Variants in HAUS7 observed in about 807,000 individuals in gnomAD.
HAUS7 encodes HAUS augmin like complex subunit 7, also known as HAUS augmin-like complex subunit 7.
HAUS7 carries 3 observed loss-of-function variants against 28.4 expected under a neutral mutation model. That is an observed-to-expected ratio of 0.11 (90% confidence interval 0.05 to 0.27). HAUS7 has a LOEUF of 0.27. Among genes scored for constraint, HAUS7 ranks in the 10% least tolerant of loss-of-function variants. The probability of loss-of-function intolerance (pLI) is 1.00; values close to 1 mark genes in which losing one functional copy is unlikely to be tolerated. For missense variants in HAUS7, 284 were observed against 297.3 expected, an observed-to-expected ratio of 0.96 and a Z score of 0.33; for synonymous variants, 165 against 132.1, an observed-to-expected ratio of 1.25 and a Z score of -1.71.
At chrX:153,483,467 C>T (rs998186545) in intron 1 of HAUS7, 55 of 754,317 alleles carry the variant, frequency 7.3e-5, no homozygotes, top group East Asian at 3.0e-4. Context: ...CCCAGAGCTT[C>T]GCCCCAATGG....
chrX:153,448,564 T>C (rs1358305695), intron 9 of HAUS7, among the ~76,000 whole-genome samples: 1 of 109,346 alleles, frequency 9.1e-6, no homozygotes, highest in African/African-American at 3.3e-5. Context: ...ATATATAAAA[T>C]AAATAAATAA....
At chrX:153,474,008 G>A (rs1249392108), upstream of HAUS7, among the ~76,000 whole-genome samples, 1 of 112,386 alleles carries the variant, frequency 8.9e-6, no homozygotes, top group Non-Finnish European at 1.9e-5. Flanking sequence ...ATGGGGGAAG[G>A]GATGGAGAAC....
rs2089315282 is a variant in HAUS7, at chrX:153,456,619, T to C, written c.479A>G (p.Lys160Arg). Residue 160 changes from lysine (K) to arginine (R), a missense_variant, in exon 6 of 10, where the codon AAG becomes AGG. Coordinates refer to ENST00000370211, the MANE Select transcript of HAUS7 (RefSeq NM_001385482.1). ...LMEHFEDTRE[K>R]NEALLGELFS... ...GAGCTCCCCCAGCAAGGCCTCGTTC[T>C]TCTCCCTGGTGTCCTCGAAGTGCTC... 3 of 1,181,343 alleles carry C rather than the reference T, an allele frequency of 2.5e-6. No homozygotes were observed. The highest frequency in any genetic ancestry group is 2.3e-5 in the Admixed American group (1 of 42,649).
chrX:153,461,621 C>G (rs781944438), intron 4 of HAUS7: 4 of 124,446 alleles, frequency 3.2e-5, no homozygotes, highest in Non-Finnish European at 6.4e-5. Context: ...AAATGGCCAA[C>G]AAGCTCACAA....
chrX:153,484,381 T>C (rs2089621892), intron 1 of HAUS7, among the ~76,000 whole-genome samples: 1 of 112,511 alleles, frequency 8.9e-6, no homozygotes. Context: ...GGCAATTCCC[T>C]GGATCTGGTT....
At chrX:153,473,135 G>C (rs1196085302), upstream of HAUS7, among the ~76,000 whole-genome samples, 5 of 109,999 alleles carry the variant, frequency 4.5e-5, no homozygotes, top group Non-Finnish European at 9.7e-5. Context: ...CAGCCTCCCT[G>C]ACCTGTGGAG....
chrX:153,486,791 G>T (rs1036231862), intron 1 of HAUS7: 14 of 982,564 alleles, frequency 1.4e-5, no homozygotes, highest in African/African-American at 2.0e-5. Flanking sequence ...CCCCAGCGGC[G>T]GGGGGAGGAG....
At chrX:153,481,925 G>A (rs1339935394) in intron 1 of HAUS7, 1 of 745,378 alleles carries the variant, frequency 1.3e-6, no homozygotes, top group Non-Finnish European at 1.6e-6. Context: ...ATGCCTTCAA[G>A]GTATGCTGTG....
At chrX:153,484,536 TGAG>T (rs2089623041) in intron 1 of HAUS7, among the ~76,000 whole-genome samples, 1 of 99,918 alleles carries the variant, frequency 1.0e-5, no homozygotes, top group Non-Finnish European at 2.0e-5. Context: ...GGCGGGAGGC[TGAG>T]GAGGGCCTGA....
intron 1 of HAUS7, among the ~76,000 whole-genome samples, chrX:153,476,427 A>G (rs982069045): frequency 1.8e-5 from 2 of 111,915 alleles, no homozygotes; most frequent in African/African-American, 3.3e-5. Context: ...CCAGGCTACC[A>G]ATCTGAGTCC....
chrX:153,452,675 A>G (rs139735840), intron 9 of HAUS7, among the ~76,000 whole-genome samples: 4,352 of 112,164 alleles, frequency 0.039, 193 homozygotes, highest in African/African-American at 0.13. Context: ...CACTTAAAAA[A>G]TAACTTTAAA....
intron 2 of HAUS7, 71 bp from the exon 3 acceptor site, chrX:153,465,126 T>G: frequency 5.9e-6 from 4 of 675,130 alleles, no homozygotes; most frequent in Non-Finnish European, 7.2e-6. Context: ...CTATACGCGC[T>G]GGAAGAAGTG....
chrX:153,461,753 C>T (rs2089394134), intron 4 of HAUS7: 2 of 234,504 alleles, frequency 8.5e-6, no homozygotes, highest in African/African-American at 5.7e-5. Flanking sequence ...CCAGCGAGGA[C>T]GAGGAGAAAC....
At position 153,480,469 on chromosome X, in the gene HAUS7, C is replaced by A. The variant is rs782065825; in HGVS notation, c.-588-9324G>T. On this transcript the variant is annotated intron_variant, in intron 1 of 5. Coordinates refer to the HAUS7 transcript ENST00000370210. ...TGCTCCTCAGGAGGTAAGGGAAAGG[C>A]GGGGCGGGGGGAGGCCTGGGTAAAG... 10 of 469,372 alleles carry A rather than the reference C, an allele frequency of 2.1e-5. 1 individual carries two copies. The highest frequency in any genetic ancestry group is 2.4e-5 in the Non-Finnish European group (9 of 379,958). The allele number at this position is 469,372 out of a possible 1,213,427, so 38.7% of individuals were successfully genotyped here. A position where few individuals can be genotyped will look rare whatever the true frequency, so the allele number is the denominator to read the frequency against.
intron 1 of HAUS7, among the ~76,000 whole-genome samples, chrX:153,484,268 C>T (rs1556988006): frequency 8.9e-6 from 1 of 112,594 alleles, no homozygotes; most frequent in African/African-American, 3.2e-5. Context: ...AGCTCGACAT[C>T]CTCCCCTGCA....
At chrX:153,451,497 T>G (rs1427351967) in intron 9 of HAUS7, among the ~76,000 whole-genome samples, 1 of 111,951 alleles carries the variant, frequency 8.9e-6, no homozygotes, top group African/African-American at 3.3e-5. Flanking sequence ...GGTAGTTATG[T>G]GCCGAGGCCA....
At chrX:153,469,510 T>C (rs1185625740) in intron 1 of HAUS7, among the ~76,000 whole-genome samples, 6 of 112,169 alleles carry the variant, frequency 5.3e-5, no homozygotes, top group Non-Finnish European at 9.4e-5. Context: ...GTATTTTTAA[T>C]AGAGACGGAG....
chrX:153,454,533 G>A (rs782035878), intron 8 of HAUS7, 25 bp from the exon 9 acceptor site: 1 of 351,355 alleles, frequency 2.8e-6, no homozygotes, highest in Non-Finnish European at 5.4e-6. Flanking sequence ...AGGGAGGGAG[G>A]GAGGGAGGGA....
rs782035823 is a variant in HAUS7, at chrX:153,470,491, T to A, written c.67A>T (p.Ser23Cys). The change falls in exon 1 of 10, where the codon AGC becomes TGC. Residue 23 changes from serine (S) to cysteine (C), a missense_variant. Transcript: ENST00000370211. ...DDYSEDEGDSSVSRAAVEVFG... is the reference protein window; with the variant it reads ...DDYSEDEGDSCVSRAAVEVFG... ...ACCTCCACAGCCGCCCTGGACACGCTGCTGTCGCCCTCGTCCTCTGAGTAG... is the reference window on the plus strand; with the variant it reads ...ACCTCCACAGCCGCCCTGGACACGCAGCTGTCGCCCTCGTCCTCTGAGTAG... 1 of 1,206,629 alleles carries A rather than the reference T, an allele frequency of 8.3e-7. No homozygotes were observed. Among genetic ancestry groups the A allele is most frequent in the East Asian group, 3.0e-5 (1 of 33,681 alleles).
Sources: allele counts gnomAD v4.1 joint callset (sites outside exome capture counted in the v4.1 genomes callset), GRCh38; gene constraint gnomAD v4.1.1; transcripts MANE v1.5; gene names NCBI Gene and HGNC (gene_info 2026-07-23, HGNC 2026-07-21).